Variants in CLTRN observed in about 807,000 individuals in gnomAD.
CLTRN encodes the protein collectrin.
CLTRN carries 12 observed loss-of-function variants against 14.5 expected under a neutral mutation model. The ratio of observed to expected loss-of-function variants is 0.83; its 90% CI spans 0.53 to 1.34. The LOEUF is 1.34. Among genes scored for constraint, CLTRN ranks in the 40% most tolerant of loss-of-function variants. The probability of loss-of-function intolerance (pLI) is 0.00; values close to 1 mark genes in which losing one functional copy is unlikely to be tolerated. For missense variants in CLTRN, 154 were observed against 165.1 expected (o/e 0.93, Z 0.37); for synonymous variants, 58 against 56.5 (o/e 1.03, Z -0.12).
chrX:15,640,466 T>G (rs1928916725), intron 4 of CLTRN, among the ~76,000 whole-genome samples: 1 of 112,931 alleles, frequency 8.9e-6, no homozygotes, highest in Non-Finnish European at 1.9e-5. Flanking sequence ...CTTCTACTTC[T>G]GGCTCTCTCT....
Position 15,639,750 on chromosome X carries a change from G to A in CLTRN, c.324C>T (p.Asn108=), listed in dbSNP as rs1928897280. ...AGAAGGCATTGTTGATCCGGTTCTT[G>A]TTCATTCTAAAATGCAATGATAATT... ...AVEVQSAIRM[N]KNRINNAFFL... The change falls in exon 5 of 6, where the codon AAC becomes AAT. Residue 108 remains asparagine (N), a synonymous_variant. Transcript: ENST00000380342. 1.7e-6 allele frequency: 2 copies of A among 1,193,525 alleles called. No homozygotes were observed. Among genetic ancestry groups the A allele is most frequent in the South Asian group, 3.7e-5 (2 of 53,421 alleles).
chrX:15,643,281 T>C (rs1416762960), intron 4 of CLTRN, among the ~76,000 whole-genome samples: 1 of 112,071 alleles, frequency 8.9e-6, no homozygotes, highest in Non-Finnish European at 1.9e-5. Context: ...CCATCTCCTT[T>C]TTTTCACTCT....
chrX:15,663,614 A>T, intron 2 of CLTRN, among the ~76,000 whole-genome samples: 1 of 112,188 alleles, frequency 8.9e-6, no homozygotes, highest in Middle Eastern at 4.6e-3. Context: ...AAAATACCAA[A>T]TTGATGAACT....
At chrX:15,651,651 A>G (rs1352988293) in intron 3 of CLTRN, among the ~76,000 whole-genome samples, 2 of 111,231 alleles carry the variant, frequency 1.8e-5, no homozygotes, top group Non-Finnish European at 3.8e-5. Flanking sequence ...TTTGCAGCAG[A>G]TTTCTCTTGT....
At chrX:15,631,045 G>C (rs113098747) in intron 5 of CLTRN, among the ~76,000 whole-genome samples, 3,414 of 111,892 alleles carry the variant, frequency 0.031, 122 homozygotes, top group African/African-American at 0.1. Context: ...AAGAGATACA[G>C]TCCTTGTCCT....
chrX:15,634,912 A>G (rs1928781601), intron 5 of CLTRN, among the ~76,000 whole-genome samples: 1 of 107,830 alleles, frequency 9.3e-6, no homozygotes, highest in Non-Finnish European at 1.9e-5. Flanking sequence ...GTGCACATGT[A>G]CCCTAAAACT....
intron 4 of CLTRN, among the ~76,000 whole-genome samples, chrX:15,643,185 T>G (rs767170356): frequency 8.9e-6 from 1 of 112,604 alleles, no homozygotes; most frequent in South Asian, 3.6e-4. Context: ...AAAAGTGGTA[T>G]GCAAATATTA....
rs143150596 is a variant in CLTRN, at chrX:15,628,121, G to C, written c.519C>G (p.Asn173Lys). The C allele has an allele frequency of 1.3e-4, 143 of 1,085,518 alleles. No individual in the cohort carries two copies. In the African/African-American group the frequency reaches 2.4e-3, roughly 18 times the overall value. The allele number at this position is 1,085,518 out of a possible 1,213,427, so 89.5% of individuals were successfully genotyped here. Residue 173 changes from asparagine (N) to lysine (K), a missense_variant, in exon 6 of 6, where the codon AAC becomes AAG. Coordinates refer to ENST00000380342, the MANE Select transcript of CLTRN (RefSeq NM_020665.6). ...CGTCATCCACTTCAGATGGTTCTTTGTTCTTTCTAAAAGCACATAAAAAAG... is the reference window on the plus strand; with the variant it reads ...CGTCATCCACTTCAGATGGTTCTTTCTTCTTTCTAAAAGCACATAAAAAAG... ...LSGIWQRRRKNKEPSEVDDAE... is the reference protein window; with the variant it reads ...LSGIWQRRRKKKEPSEVDDAE...
intron 3 of CLTRN, chrX:15,646,468 C>CG (rs1432092422): frequency 7.8e-6 from 2 of 255,239 alleles, no homozygotes; most frequent in East Asian, 2.7e-4. Context: ...ACCCACCCCC[C>CG]CGCCCGACCC....
intron 3 of CLTRN, among the ~76,000 whole-genome samples, chrX:15,655,271 T>C (rs1288487623): frequency 8.9e-6 from 1 of 112,277 alleles, no homozygotes; most frequent in African/African-American, 3.2e-5. Context: ...CAAATTATTC[T>C]TCCTGGACCT....
chrX:15,634,211 A>G (rs964645126), intron 5 of CLTRN, among the ~76,000 whole-genome samples: 10 of 112,094 alleles, frequency 8.9e-5, no homozygotes, highest in Non-Finnish European at 1.9e-4. Flanking sequence ...TTTTATGGTC[A>G]TGCTAGTAAC....
In CLTRN at chrX:15,673,752, T is replaced by C. The variant is rs1214574335; in HGVS notation, c.-506+1237A>G. Among the ~76,000 whole-genome samples, 3 of 112,535 alleles carry C rather than the reference T, an allele frequency of 2.7e-5. No individual in the cohort carries two copies. The Admixed American group carries it at 2.8e-4, about 11-fold the overall frequency. On this transcript the variant is annotated intron_variant, in intron 1 of 6. Transcript: ENST00000650271. ...TTACACTTTATATGTGATCATAAAA[T>C]CTTGATTACTGGCATATGTAGAAGT...
Position 15,661,147 on chromosome X carries a change from T to TA in CLTRN, c.118-2047dup, listed in dbSNP as rs765844210. ...ATTAAAAATGGTGCAGAAACACTAT[T>TA]AAGACAGGGAAGGCTTATTAACAGA... On this transcript the variant is annotated intron_variant, in intron 2 of 5. Coordinates refer to ENST00000380342, the MANE Select transcript of CLTRN (RefSeq NM_020665.6). 5.3e-5 allele frequency among the ~76,000 whole-genome samples: 6 copies of TA among 112,281 alleles called. No individual in the cohort carries two copies. In the South Asian group the frequency reaches 2.2e-3, roughly 41 times the overall value.
chrX:15,658,445 T>C (rs1283922264), intron 3 of CLTRN, among the ~76,000 whole-genome samples: 1 of 112,355 alleles, frequency 8.9e-6, no homozygotes, highest in African/African-American at 3.2e-5. Flanking sequence ...TAAGTCATTT[T>C]ACCTCTCAAG....
upstream of CLTRN, among the ~76,000 whole-genome samples, chrX:15,666,288 AAT>A: frequency 8.9e-6 from 1 of 111,851 alleles, no homozygotes; most frequent in Middle Eastern, 4.6e-3. Context: ...ATGCTCTGAG[AAT>A]TAAGATAATG....
At chrX:15,631,087 T>C (rs1928684489) in intron 5 of CLTRN, among the ~76,000 whole-genome samples, 1 of 112,041 alleles carries the variant, frequency 8.9e-6, no homozygotes, top group Non-Finnish European at 1.9e-5. Flanking sequence ...AAAAATGCCA[T>C]ATATACTCAT....
chrX:15,662,473 G>A (rs767793131), intron 2 of CLTRN, among the ~76,000 whole-genome samples: 6 of 111,391 alleles, frequency 5.4e-5, no homozygotes, highest in East Asian at 2.8e-4. Flanking sequence ...AGCTCTGACC[G>A]GAGTCTGTTC....
intron 5 of CLTRN, among the ~76,000 whole-genome samples, chrX:15,629,717 T>C (rs972652990): frequency 4.5e-5 from 5 of 111,372 alleles, no homozygotes; most frequent in Non-Finnish European, 9.4e-5. Flanking sequence ...TGAGAGACGG[T>C]TGGAGAACAG....
intron 1 of CLTRN, among the ~76,000 whole-genome samples, chrX:15,674,666 GACATCTGGTTCCAGGA>G (rs1445271877): frequency 8.9e-6 from 1 of 112,820 alleles, no homozygotes; most frequent in Non-Finnish European, 1.9e-5. Flanking sequence ...AAATGCCGCG[GACATCTGGTTCCAGGA>G]CCTGGACAGT....
Sources: allele counts gnomAD v4.1 joint callset (sites outside exome capture counted in the v4.1 genomes callset), GRCh38; gene constraint gnomAD v4.1.1; transcripts MANE v1.5; gene names NCBI Gene and HGNC (gene_info 2026-07-23, HGNC 2026-07-21).